SETD6: variants seen among roughly 807,000 people sequenced by gnomAD.
SETD6 encodes N-lysine methyltransferase SETD6.
Under a neutral mutation model 52.7 loss-of-function variants are expected in SETD6, and 67 were observed. The ratio of observed to expected loss-of-function variants is 1.27; its 90% confidence interval spans 1.04 to 1.56. The LOEUF is 1.56. Among genes scored for constraint, SETD6 ranks in the 40% most tolerant of loss-of-function variants. SETD6 has a pLI of 0.00. For missense variants in SETD6, 712 were observed against 607.5 expected (o/e 1.17, Z -1.81); for synonymous variants, 307 against 250.2 (o/e 1.23, Z -2.14).
intron 5 of SETD6, chr16:58,517,174 T>G: frequency 3.8e-6 from 2 of 530,332 alleles, no homozygotes; most frequent in Non-Finnish European, 6.8e-6. Context: ...CATTGAGTGG[T>G]CTGCATAGCC....
chr16:58,516,848 C>T lies in SETD6; in HGVS notation c.712C>T (p.Pro238Ser), dbSNP rs779070359. The T allele has an allele frequency of 6.2e-7, 1 of 1,614,154 alleles. No homozygotes were observed. Among genetic ancestry groups the T allele is most frequent in the Admixed American group, 1.7e-5 (1 of 60,028 alleles). Residue 238 changes from proline to serine, a missense_variant, in exon 5 of 8, where the codon CCC becomes TCC. By Grantham distance (74) the Pro-to-Ser change is moderately conservative. Coordinates refer to ENST00000219315, the MANE Select transcript of SETD6 (RefSeq NM_001160305.4). Reference protein sequence around the residue: ...PLEEEEDEKEPNSPVMVPAAD... With the variant: ...PLEEEEDEKESNSPVMVPAAD... ...GGAGGAAGAAGAGGATGAAAAGGAG[C>T]CCAACTCCCCCGTGATGGTGCCTGC...
In SETD6 at chr16:58,516,611, A is replaced by C; in HGVS notation, c.610A>C (p.Ser204Arg). The C allele has an allele frequency of 6.2e-7, 1 of 1,614,186 alleles. No homozygotes were observed. Among genetic ancestry groups the C allele is most frequent in the Non-Finnish European group, 8.5e-7 (1 of 1,180,020 alleles). Residue 204 changes from serine to arginine, a missense_variant, in exon 4 of 8, where the codon AGC becomes CGC. Physicochemically the swap from Ser to Arg is moderately radical, Grantham distance 110 (BLOSUM62 -1). Transcript: ENST00000219315. ...PFMEAHPDLF[S>R]LRVRSLELYH... is the part of the protein sequence containing the mutation. ...CATGGAAGCCCACCCCGATCTCTTC[A>C]GCCTCAGGGTTCGCTCCCTAGAACT...
At position 58,520,858 on chromosome 16, in the gene SETD6, T is replaced by G; in HGVS notation, c.*1829T>G. On this transcript the variant is annotated 3_prime_UTR_variant, in exon 8 of 8. Coordinates refer to ENST00000219315, the MANE Select transcript of SETD6 (RefSeq NM_001160305.4). ...GGCAGATACCCACAAACCAAAGGGC[T>G]GGGAAAGTCAGGAAGAGCTGAAAGG... 2 of 1,258,256 alleles carry G rather than the reference T, an allele frequency of 1.6e-6. No homozygotes were observed. 77.9% of individuals were successfully genotyped at this position (1,258,256 alleles called of 1,614,324 possible).
rs1386391242 is a variant in SETD6, at chr16:58,515,802, C to T, written c.39C>T (p.Pro13=). The change falls in exon 2 of 8, where the codon CCC becomes CCT. Residue 13 remains proline (P), a synonymous_variant. Transcript: ENST00000219315. ...CGCACTTATCTCAGGTGGCGGGGCC[C>T]GTGGACGGCGGCGACCTGGATCCTG... ...TQAKRPRVAG[P]VDGGDLDPVA... The T allele has an allele frequency of 6.6e-7, 1 of 1,516,472 alleles. No homozygotes were observed. The highest frequency in any genetic ancestry group is 8.8e-7 in the Non-Finnish European group (1 of 1,141,394). The allele number at this position is 1,516,472 out of a possible 1,614,324, so 93.9% of individuals were successfully genotyped here. A position where few individuals can be genotyped will look rare whatever the true frequency, so the allele number is the denominator to read the frequency against.
chr16:58,515,644 C>T (rs1463362285), intron 1 of SETD6, 80 bp downstream of exon 1: 3 of 1,419,418 alleles, frequency 2.1e-6, no homozygotes, highest in African/African-American at 3.0e-5. Context: ...GCCTGCGCCC[C>T]CTCCGCTCCC....
Position 58,520,955 on chromosome 16 carries a change from C to T in SETD6, c.*1926C>T, listed in dbSNP as rs768747654. ...GACACGTACAACAGAGATGCAGTTT[C>T]GTCTAACTGGCACCTGTCCCTTCCA... On this transcript the variant is annotated 3_prime_UTR_variant, in exon 8 of 8. Coordinates refer to ENST00000219315, the MANE Select transcript of SETD6 (RefSeq NM_001160305.4). The T allele has an allele frequency of 9.9e-6, 16 of 1,612,860 alleles. No homozygotes were observed. Among genetic ancestry groups the T allele is most frequent in the Admixed American group, 3.3e-5 (2 of 60,002 alleles).
chr16:58,520,444 T>C lies in SETD6; in HGVS notation c.*1415T>C, dbSNP rs982191261. ...AGCCCTTCCCATGTTCCTGGACATA[T>C]CCAATTCTAGCACATCCACATTTTT... On this transcript the variant is annotated 3_prime_UTR_variant, in exon 8 of 8. Coordinates refer to ENST00000219315, the MANE Select transcript of SETD6 (RefSeq NM_001160305.4). 8 of 160,034 alleles carry C rather than the reference T, an allele frequency of 5.0e-5. No individual in the cohort carries two copies. The East Asian group carries it at 1.4e-3, about 29-fold the overall frequency. 9.9% of individuals were successfully genotyped at this position (160,034 alleles called of 1,614,324 possible).
intron 5 of SETD6, chr16:58,517,478 A>T: frequency 5.8e-6 from 1 of 171,168 alleles, no homozygotes; most frequent in Non-Finnish European, 1.3e-5. Context: ...CGAAAGTTCC[A>T]TTTTTTCCCC....
Position 58,519,004 on chromosome 16 carries a change from A to C in SETD6, c.1397A>C (p.His466Pro), listed in dbSNP as rs1204855133. Reference protein sequence around the residue: ...QVRYGQKMILHQLLELTS With the variant: ...QVRYGQKMILPQLLELTS Reference sequence around the variant, plus strand: ...CGCTATGGTCAGAAGATGATCTTACATCAGTTGTTGGAGCTGACAAGTTAG... The same window carrying C: ...CGCTATGGTCAGAAGATGATCTTACCTCAGTTGTTGGAGCTGACAAGTTAG... The change falls in exon 8 of 8, where the codon CAT (histidine) becomes CCT (proline). Residue 466 changes from histidine (H) to proline (P), a missense_variant. Coordinates refer to ENST00000219315, the MANE Select transcript of SETD6 (RefSeq NM_001160305.4). 1.2e-6 allele frequency: 2 copies of C among 1,612,942 alleles called. No individual in the cohort carries two copies. The highest frequency in any genetic ancestry group is 2.2e-5 in the South Asian group (2 of 90,978).
In SETD6 at chr16:58,516,783, C is replaced by T. The variant is rs200494659; in HGVS notation, c.672-25C>T. 1.4e-5 allele frequency: 22 copies of T among 1,614,140 alleles called. No homozygotes were observed. In the African/African-American group the frequency reaches 2.5e-4, roughly 19 times the overall value. ...CCCAGTCCCTCACCCAAGACAGGGC[C>T]TTAGCCAGGTTCTGTCAATGGCAGC... On this transcript the variant is annotated intron_variant, in intron 4 of 7. Transcript: ENST00000219315.
Position 58,519,903 on chromosome 16 carries a change from A to T in SETD6, c.*874A>T, listed in dbSNP as rs2039303176. Reference sequence around the variant, plus strand: ...GCTGGATTGTCCACTTTTCCTCCTCACCACCAGCACTGGCTGCTGCTACTG... The same window carrying T: ...GCTGGATTGTCCACTTTTCCTCCTCTCCACCAGCACTGGCTGCTGCTACTG... On this transcript the variant is annotated 3_prime_UTR_variant, in exon 8 of 8. Coordinates refer to ENST00000219315, the MANE Select transcript of SETD6 (RefSeq NM_001160305.4). The T allele has an allele frequency of 6.6e-6, 1 of 152,148 alleles. No individual in the cohort carries two copies. Among genetic ancestry groups the T allele is most frequent in the Admixed American group, 6.5e-5 (1 of 15,268 alleles). 9.4% of individuals were successfully genotyped at this position (152,148 alleles called of 1,614,324 possible).
chr16:58,520,918 G>C lies in SETD6; in HGVS notation c.*1889G>C. The C allele has an allele frequency of 1.9e-6, 3 of 1,587,344 alleles. No homozygotes were observed. The highest frequency in any genetic ancestry group is 2.6e-6 in the Non-Finnish European group (3 of 1,161,304). On this transcript the variant is annotated 3_prime_UTR_variant, in exon 8 of 8. Transcript: ENST00000219315. The stretch of plus-strand genomic sequence containing the variant: ...TCAGTTTATGAACTCGGTGCAGTGA[G>C]ACCTCTAGACTGACACGTACAACAG...
Position 58,518,768 on chromosome 16 carries a change from G to A in SETD6, c.1161G>A (p.Gln387=), listed in dbSNP as rs1460808768. Residue 387 remains glutamine, a synonymous_variant, in exon 8 of 8, where the codon CAG becomes CAA. Transcript: ENST00000219315. ...AGGAGTTCAGAGAGCTTAAAGACCA[G>A]GATGGAGGGGGAGATGATAAAAGGG... is the stretch of plus-strand genomic sequence containing the variant. The part of the protein sequence containing the change: ...PAEEFRELKD[Q]DGGGDDKREE... The A allele has an allele frequency of 1.9e-6, 3 of 1,614,122 alleles. No individual in the cohort carries two copies. In the East Asian group the frequency reaches 6.7e-5, roughly 36 times the overall value.
intron 1 of SETD6, 79 bp downstream of exon 1, chr16:58,515,643 C>T (rs2039096247): frequency 7.0e-7 from 1 of 1,418,576 alleles, no homozygotes; most frequent in Non-Finnish European, 9.2e-7. Context: ...CGCCTGCGCC[C>T]CCTCCGCTCC....
In SETD6 at chr16:58,521,167, A is replaced by G; in HGVS notation, c.*2138A>G. On this transcript the variant is annotated 3_prime_UTR_variant, in exon 8 of 8. Transcript: ENST00000219315. ...CAGTCTCATTCCTAGACAATTAAAA[A>G]TTACTTTGAACTCACTTTTCGATTT... The G allele has an allele frequency of 1.9e-6, 3 of 1,612,974 alleles. No homozygotes were observed. Among genetic ancestry groups the G allele is most frequent in the South Asian group, 1.1e-5 (1 of 90,868 alleles).
chr16:58,518,375 CTT>C (rs1268930875), intron 6 of SETD6, 24 bp from the exon 7 acceptor site: 15 of 1,580,780 alleles, frequency 9.5e-6, no homozygotes, highest in Non-Finnish European at 1.3e-5. Flanking sequence ...TGTACTGAGA[CTT>C]TCACATTGCT....
In SETD6 at chr16:58,520,215, T is replaced by TTTAAG. The variant is rs2039318850; in HGVS notation, c.*1189_*1193dup. 1.3e-5 allele frequency: 2 copies of TTTAAG among 148,574 alleles called. No homozygotes were observed. The highest frequency in any genetic ancestry group is 3.0e-5 in the Non-Finnish European group (2 of 67,612). 9.2% of individuals were successfully genotyped at this position (148,574 alleles called of 1,614,324 possible). On this transcript the variant is annotated 3_prime_UTR_variant, in exon 8 of 8. Transcript: ENST00000219315. ...TTCCCTTTCCTATATTCCCACTGTT[T>TTTAAG]TTAAGTTTCAGGAGAGGATTGGGGG...
At chr16:58,516,992 A>G (rs767351663) in intron 5 of SETD6, 64 bp downstream of exon 5, 60 of 1,612,446 alleles carry the variant, frequency 3.7e-5, no homozygotes, top group Non-Finnish European at 4.3e-5. Flanking sequence ...CTTAGGCTCC[A>G]TTCTCTTACT....
chr16:58,523,280 C>A lies in SETD6; in HGVS notation c.*4251C>A. ...AAAAAAAACCAACCAAACGGATTTT[C>A]ACTGAACACTGAAAGCATAAAGAGG... On this transcript the variant is annotated 3_prime_UTR_variant, in exon 8 of 8. Coordinates refer to ENST00000219315, the MANE Select transcript of SETD6 (RefSeq NM_001160305.4). 2.2e-6 allele frequency: 3 copies of A among 1,362,524 alleles called. No homozygotes were observed. Among genetic ancestry groups the A allele is most frequent in the South Asian group, 1.6e-5 (1 of 63,224 alleles). The allele number at this position is 1,362,524 out of a possible 1,614,324, so 84.4% of individuals were successfully genotyped here. A position where few individuals can be genotyped will look rare whatever the true frequency, so the allele number is the denominator to read the frequency against.
Sources: allele counts gnomAD v4.1 joint callset, GRCh38; gene constraint gnomAD v4.1.1; transcripts MANE v1.5; gene names NCBI Gene and HGNC (gene_info 2026-07-23, HGNC 2026-07-21).